The following SYNPR variants were observed in gnomAD, a reference collection of about 807,000 sequenced individuals.
The protein encoded by SYNPR is synaptoporin.
Under a neutral mutation model 32.9 loss-of-function variants are expected in SYNPR, and 23 were observed. That is an observed-to-expected ratio of 0.70 (90% CI 0.50 to 0.99). SYNPR has a LOEUF of 0.99. Among genes scored for constraint, SYNPR ranks in the 50% least tolerant of loss-of-function variants. The pLI is 0.00. For synonymous variants in SYNPR, 146 were observed against 135.9 expected (o/e 1.07, Z -0.52); for missense variants, 318 against 349.3 (o/e 0.91, Z 0.71).
At chr3:63,318,768 A>AT (rs1367928420) in intron 2 of SYNPR, among the ~76,000 whole-genome samples, 18 of 151,522 alleles carry the variant, frequency 1.2e-4, no homozygotes, top group South Asian at 8.3e-4. Flanking sequence ...TAAACCAGGG[A>AT]TTTTTTCTTG....
At position 63,403,227 on chromosome 3, in the gene SYNPR, A is replaced by T. The variant is rs533933913; in HGVS notation, c.85-77605A>T. ...TGAAAGAGGTAGAAGTAAAAGTGTT[A>T]TCAGTTCCTAGTCTGGACTATGAGT... On this transcript the variant is annotated intron_variant, in intron 2 of 5. Transcript: ENST00000478300. Among the ~76,000 whole-genome samples, 4 of 152,254 alleles carry T rather than the reference A, an allele frequency of 2.6e-5. No homozygotes were observed. In the South Asian group the frequency reaches 8.3e-4, roughly 32 times the overall value.
intron 2 of SYNPR, among the ~76,000 whole-genome samples, chr3:63,265,703 T>A (rs932804756): frequency 1.3e-5 from 2 of 152,246 alleles, no homozygotes; most frequent in African/African-American, 4.8e-5. Context: ...TTTCATAATG[T>A]TCCATACACT....
At chr3:63,539,793 CT>C (rs1702267379) in intron 3 of SYNPR, among the ~76,000 whole-genome samples, 1 of 152,154 alleles carries the variant, frequency 6.6e-6, no homozygotes, top group Admixed American at 6.5e-5. Flanking sequence ...CTGTGGGCAA[CT>C]GGGGCTCAGT....
intron 3 of SYNPR, among the ~76,000 whole-genome samples, chr3:63,270,261 T>C (rs1157613249): frequency 3.9e-5 from 6 of 152,204 alleles, no homozygotes; most frequent in African/African-American, 1.4e-4. Context: ...GACATGACTT[T>C]CATCTTTGGC....
chr3:63,459,255 T>C (rs1487745462), intron 2 of SYNPR, among the ~76,000 whole-genome samples: 1 of 152,130 alleles, frequency 6.6e-6, no homozygotes, highest in East Asian at 1.9e-4. Context: ...AAATGAGACA[T>C]TTCACTGGCC....
chr3:63,262,902 C>A (rs568094261), intron 2 of SYNPR, among the ~76,000 whole-genome samples: 1 of 152,264 alleles, frequency 6.6e-6, no homozygotes, highest in Non-Finnish European at 1.5e-5. Context: ...TGCAATACAC[C>A]TTCTCTTTTC....
At chr3:63,335,766 C>CTTTTTTTT (rs3082128) in intron 2 of SYNPR, among the ~76,000 whole-genome samples, 1,869 of 91,070 alleles carry the variant, frequency 0.021, 214 homozygotes, top group Non-Finnish European at 0.027. Context: ...TATTAGCTTC[C>CTTTTTTTT]TTTTTTTTTT....
Position 63,480,906 on chromosome 3 carries a change from C to T in SYNPR, c.159C>T (p.Asn53=). Residue 53 remains asparagine (N), a synonymous_variant, in exon 3 of 6, where the codon AAC becomes AAT. Coordinates refer to ENST00000478300, the MANE Select transcript of SYNPR (RefSeq NM_001130003.2). ...TGCGGCTGAGTGTGGACTGCGTCAA[C>T]AAGACAGAAAGTAACCTCAGCATCG... ...GGLRLSVDCV[N]KTESNLSIDI... 1.2e-6 allele frequency: 2 copies of T among 1,613,634 alleles called. No homozygotes were observed. Among genetic ancestry groups the T allele is most frequent in the Non-Finnish European group, 1.7e-6 (2 of 1,179,628 alleles).
chr3:63,594,847 T>C (rs533147868), intron 4 of SYNPR, among the ~76,000 whole-genome samples: 2 of 152,256 alleles, frequency 1.3e-5, no homozygotes, highest in East Asian at 3.9e-4. Flanking sequence ...AGCAATAATA[T>C]TAATTGAAAT....
At chr3:63,407,820 A>G (rs895850887) in intron 2 of SYNPR, among the ~76,000 whole-genome samples, 2 of 152,070 alleles carry the variant, frequency 1.3e-5, no homozygotes, top group Non-Finnish European at 2.9e-5. Context: ...ACCCAAGTAC[A>G]GATGCTAGGG....
At chr3:63,580,281 G>A (rs115903395) in intron 4 of SYNPR, among the ~76,000 whole-genome samples, 170 of 152,294 alleles carry the variant, frequency 1.1e-3, no homozygotes, top group African/African-American at 3.9e-3. Context: ...GAATGATTGC[G>A]TTCCTTTGCC....
chr3:63,479,841 C>T (rs1477134846), intron 2 of SYNPR, among the ~76,000 whole-genome samples: 2 of 152,148 alleles, frequency 1.3e-5, no homozygotes, highest in African/African-American at 4.8e-5. Context: ...CCCTTGACCC[C>T]AGTTGACTTC....
intron 2 of SYNPR, among the ~76,000 whole-genome samples, chr3:63,472,695 A>G (rs1267860004): frequency 6.6e-6 from 1 of 152,144 alleles, no homozygotes; most frequent in Admixed American, 6.5e-5. Context: ...CTGGGGAAGT[A>G]AGACACTTCC....
intron 4 of SYNPR, among the ~76,000 whole-genome samples, chr3:63,587,735 G>A (rs1028152213): frequency 4.6e-5 from 7 of 151,966 alleles, no homozygotes; most frequent in Non-Finnish European, 1.5e-5. Context: ...TGGAGATGGG[G>A]TATCCTTGAG....
At chr3:63,552,708 A>AAT (rs1368009040) in intron 3 of SYNPR, among the ~76,000 whole-genome samples, 1 of 152,128 alleles carries the variant, frequency 6.6e-6, no homozygotes, top group Non-Finnish European at 1.5e-5. Context: ...TCACTTTAAA[A>AAT]ATATATATAT....
chr3:63,311,987 C>A (rs888532115), intron 2 of SYNPR, among the ~76,000 whole-genome samples: 1 of 151,920 alleles, frequency 6.6e-6, no homozygotes, highest in Non-Finnish European at 1.5e-5. Flanking sequence ...CTTTCTTCAT[C>A]TTTAAAGGAG....
At chr3:63,324,612 T>C (rs959147641) in intron 2 of SYNPR, among the ~76,000 whole-genome samples, 1 of 152,158 alleles carries the variant, frequency 6.6e-6, no homozygotes, top group Non-Finnish European at 1.5e-5. Context: ...AAGCCCAATA[T>C]AGACTACTAA....
chr3:63,551,743 C>A (rs966905086), intron 3 of SYNPR, among the ~76,000 whole-genome samples: 5 of 152,120 alleles, frequency 3.3e-5, no homozygotes, highest in African/African-American at 1.2e-4. Context: ...ACCTTGGCTA[C>A]CCCACCCTCA....
chr3:63,433,761 T>G (rs192633747), intron 2 of SYNPR, among the ~76,000 whole-genome samples: 2 of 152,242 alleles, frequency 1.3e-5, no homozygotes, highest in East Asian at 3.9e-4. Flanking sequence ...AGGAGGGATT[T>G]TTTGGTTAAT....
Sources: gnomAD v4.1 joint callset for allele counts (sites outside exome capture counted in the v4.1 genomes callset) on GRCh38, gnomAD v4.1.1 for gene constraint, MANE v1.5 for transcripts, NCBI Gene and HGNC (gene_info 2026-07-23, HGNC 2026-07-21) for gene names.